The following CEMIP variants were observed in gnomAD, a reference collection of about 807,000 sequenced individuals.
CEMIP encodes the protein cell migration inducing hyaluronidase 1.
A neutral mutation model predicts 156.9 loss-of-function variants in CEMIP; 105 were observed. That is an observed-to-expected ratio of 0.67 (90% CI 0.57 to 0.79). CEMIP has a LOEUF of 0.79. CEMIP is among the 30% of genes least tolerant of loss of function. CEMIP has a pLI of 0.00. For missense variants in CEMIP, 1,457 were observed against 1,769.4 expected, an observed-to-expected ratio of 0.82 and a Z score of 3.17; for synonymous variants, 676 against 668.4, an observed-to-expected ratio of 1.01 and a Z score of -0.17.
At chr15:80,883,345 T>TA (rs1405938693) in intron 6 of CEMIP, among the ~76,000 whole-genome samples, 1 of 152,214 alleles carries the variant, frequency 6.6e-6, no homozygotes, top group African/African-American at 2.4e-5. Flanking sequence ...GAGGGCAGGT[T>TA]ATCAGTCAAT....
chr15:80,808,746 AAG>A (rs959762500), intron 1 of CEMIP, among the ~76,000 whole-genome samples: 4 of 151,834 alleles, frequency 2.6e-5, no homozygotes, highest in African/African-American at 7.3e-5. Context: ...TCTATGAAAT[AAG>A]AGATAACAGG....
intron 1 of CEMIP, among the ~76,000 whole-genome samples, chr15:80,867,970 C>T (rs1898175886): frequency 1.3e-5 from 2 of 152,140 alleles, no homozygotes; most frequent in East Asian, 1.9e-4. Context: ...CACAATTTGT[C>T]AGGGAAGATT....
At chr15:80,897,257 A>G in intron 12 of CEMIP, 1 of 456,060 alleles carries the variant, frequency 2.2e-6, no homozygotes, top group South Asian at 1.5e-5. Flanking sequence ...TACTCACCAT[A>G]TCTATTATTT....
intron 25 of CEMIP, among the ~76,000 whole-genome samples, chr15:80,940,545 G>A (rs1221083994): frequency 6.6e-6 from 1 of 152,110 alleles, no homozygotes; most frequent in Non-Finnish European, 1.5e-5. Context: ...CCACCACGCA[G>A]GGCATGGAAT....
chr15:80,847,285 G>T (rs534687874), intron 1 of CEMIP, among the ~76,000 whole-genome samples: 1 of 152,320 alleles, frequency 6.6e-6, no homozygotes, highest in Admixed American at 6.5e-5. Context: ...CTGACCTTAA[G>T]TGATCAGCTC....
chr15:80,906,956 G>A lies in CEMIP; in HGVS notation c.1587+118G>A. On this transcript the variant is annotated intron_variant, in intron 13 of 29. Coordinates refer to ENST00000394685, the MANE Select transcript of CEMIP (RefSeq NM_001293298.2). The surrounding 1 kb of genome is among the most constrained non-coding windows in gnomAD (Gnocchi z 4.3). ...GGGGGAACAGGAGGTGGGATCAAGG[G>A]GAGGGCGCCTTCTGGAAGTTTGAGA... 1.8e-6 allele frequency: 2 copies of A among 1,111,842 alleles called. No homozygotes were observed. Among genetic ancestry groups the A allele is most frequent in the Non-Finnish European group, 2.7e-6 (2 of 753,110 alleles). The allele number at this position is 1,111,842 out of a possible 1,614,324, so 68.9% of individuals were successfully genotyped here. A position where few individuals can be genotyped will look rare whatever the true frequency, so the allele number is the denominator to read the frequency against.
intron 1 of CEMIP, among the ~76,000 whole-genome samples, chr15:80,813,721 C>G (rs1387669915): frequency 6.6e-6 from 1 of 152,164 alleles, no homozygotes; most frequent in Non-Finnish European, 1.5e-5. Flanking sequence ...GGTCCAATGG[C>G]AAGTGGAACA....
chr15:80,888,820 T>C, intron 9 of CEMIP, 24 bp downstream of exon 9: 1 of 1,575,862 alleles, frequency 6.3e-7, no homozygotes, highest in Non-Finnish European at 8.7e-7. Flanking sequence ...GACAATTTGG[T>C]GACACCTAAC....
intron 25 of CEMIP, 170 bp downstream of exon 25, chr15:80,938,149 AAAGCTATT>A: frequency 3.2e-6 from 2 of 625,902 alleles, no homozygotes; most frequent in South Asian, 3.6e-5. Context: ...CGACATTTTT[AAAGCTATT>A]AAGCTTTAAA....
rs778977812 is a variant in CEMIP at position 80,929,014 on chromosome 15, T to C, written c.2457-5T>C. On this transcript the variant is annotated splice_region_variant and splice_polypyrimidine_tract_variant and intron_variant, in intron 20 of 29. Coordinates refer to ENST00000394685, the MANE Select transcript of CEMIP (RefSeq NM_001293298.2). ...CATCTCACCTTAAACATCTTCTCTCTACAGTGGTGGAACCTTCCCGTATGA... is the reference window on the plus strand; with the variant it reads ...CATCTCACCTTAAACATCTTCTCTCCACAGTGGTGGAACCTTCCCGTATGA... 6.2e-7 allele frequency: 1 copy of C among 1,614,190 alleles called. No individual in the cohort carries two copies. Among genetic ancestry groups the C allele is most frequent in the Non-Finnish European group, 8.5e-7 (1 of 1,180,038 alleles).
rs367571815 is a variant in CEMIP at position 80,779,840 on chromosome 15, C to T, written c.-176+226C>T. Among the ~76,000 whole-genome samples, 4 of 152,360 alleles carry T rather than the reference C, an allele frequency of 2.6e-5. No homozygotes were observed. The South Asian group carries it at 6.2e-4, about 24-fold the overall frequency. On this transcript the variant is annotated intron_variant, in intron 1 of 29. Transcript: ENST00000394685. ...CTTGGCACTGTCCTCTGTGGGATTTCTCTGAGATCTTGTGATGCTTTACAA... is the reference window on the plus strand; with the variant it reads ...CTTGGCACTGTCCTCTGTGGGATTTTTCTGAGATCTTGTGATGCTTTACAA...
chr15:80,909,392 C>A, intron 14 of CEMIP, 86 bp downstream of exon 14: 1 of 1,361,172 alleles, frequency 7.3e-7, no homozygotes, highest in Non-Finnish European at 1.0e-6. Flanking sequence ...GACACTTAAT[C>A]CAGGGCCTTT....
intron 1 of CEMIP, among the ~76,000 whole-genome samples, chr15:80,799,457 C>T (rs1896320307): frequency 1.3e-5 from 2 of 152,182 alleles, no homozygotes; most frequent in Admixed American, 6.5e-5. Context: ...AGAGAAGTCA[C>T]AATTTTGAGA....
intron 1 of CEMIP, among the ~76,000 whole-genome samples, chr15:80,810,779 A>G (rs1256750912): frequency 6.6e-6 from 1 of 151,040 alleles, no homozygotes; most frequent in African/African-American, 2.4e-5. Context: ...CACCCACAGT[A>G]TATCTATCCA....
intron 1 of CEMIP, among the ~76,000 whole-genome samples, chr15:80,854,866 T>C (rs1375391077): frequency 6.6e-6 from 1 of 152,036 alleles, no homozygotes; most frequent in Admixed American, 6.6e-5. Flanking sequence ...CACAGAAATT[T>C]CCCAGACCTG....
At chr15:80,935,688 A>G (rs1224108854) in intron 23 of CEMIP, among the ~76,000 whole-genome samples, 2 of 152,070 alleles carry the variant, frequency 1.3e-5, no homozygotes, top group Non-Finnish European at 2.9e-5. Flanking sequence ...ATATTGTCTT[A>G]TGAATTTGGG....
chr15:80,841,779 A>T (rs1006123868), intron 1 of CEMIP, among the ~76,000 whole-genome samples: 1 of 152,176 alleles, frequency 6.6e-6, no homozygotes, highest in Non-Finnish European at 1.5e-5. Context: ...ATTGCTGGGA[A>T]TTAATAGCAA....
rs559829003 is a variant in CEMIP at position 80,944,820 on chromosome 15, G to A, written c.3857+1718G>A. On this transcript the variant is annotated intron_variant, in intron 28 of 29. Transcript: ENST00000394685. The stretch of plus-strand genomic sequence containing the variant: ...AAGATGATGCAGAAGCTTGGAATAA[G>A]AAACTAGACTGCAGTGCTACTCTGT... Among the ~76,000 whole-genome samples, 7 of 152,302 alleles carry A rather than the reference G, an allele frequency of 4.6e-5. No individual in the cohort carries two copies. The South Asian group carries it at 1.5e-3, about 32-fold the overall frequency.
intron 14 of CEMIP, among the ~76,000 whole-genome samples, chr15:80,915,820 T>C (rs1166254155): frequency 7.2e-6 from 1 of 139,810 alleles, no homozygotes; most frequent in African/African-American, 2.5e-5. Flanking sequence ...CCAGTTTTAA[T>C]CTGCATATTC....
Sources: gnomAD v4.1 joint callset for allele counts (sites outside exome capture counted in the v4.1 genomes callset) on GRCh38, gnomAD v4.1.1 for gene constraint, Gnocchi (gnomAD v3.1) non-coding constraint, MANE v1.5 for transcripts, NCBI Gene and HGNC (gene_info 2026-07-23, HGNC 2026-07-21) for gene names.